The following NCKAP5 variants were observed in gnomAD, a reference collection of about 807,000 sequenced individuals.
NCKAP5 encodes NCK associated protein 5.
In NCKAP5, 92 loss-of-function variants were observed where a neutral mutation model predicts 167.0. That is an observed-to-expected ratio of 0.55 (90% confidence interval 0.47 to 0.66). The LOEUF is 0.66. NCKAP5 is among the 30% of genes least tolerant of loss of function. The pLI is 0.00. For missense variants in NCKAP5, 2,378 were observed against 2,315.0 expected, an observed-to-expected ratio of 1.03 and a Z score of -0.56; for synonymous variants, 891 against 877.4, an observed-to-expected ratio of 1.02 and a Z score of -0.27.
Position 132,672,846 on chromosome 2 carries a change from A to T in NCKAP5, c.*443T>A. 3 of 440,206 alleles carry T rather than the reference A, an allele frequency of 6.8e-6. No homozygotes were observed. The highest frequency in any genetic ancestry group is 6.0e-6 in the Non-Finnish European group (2 of 331,276). 27.3% of individuals were successfully genotyped at this position (440,206 alleles called of 1,614,324 possible). On this transcript the variant is annotated 3_prime_UTR_variant, in exon 20 of 20. Transcript: ENST00000409261. ...TCTTGAAACACAATAAATGGAGTCT[A>T]TCTTTATTGCCCTGTCAGAGAAATA...
chr2:133,619,108 G>A, the NCKAP5 span, among the ~76,000 whole-genome samples: 1 of 128,968 alleles, frequency 7.8e-6, no homozygotes, highest in Admixed American at 8.6e-5. Context: ...TGAACAATGA[G>A]AACACATGAA....
At chr2:133,308,175 G>A (rs1256583513) in intron 3 of NCKAP5, among the ~76,000 whole-genome samples, 6 of 133,198 alleles carry the variant, frequency 4.5e-5, no homozygotes, top group Admixed American at 1.7e-4. Flanking sequence ...TGCAAGCTCC[G>A]CCTCCCGGGT....
In NCKAP5 at chr2:133,208,109, C is replaced by A. The variant is rs1391727025; in HGVS notation, c.207+5607G>T. Among the ~76,000 whole-genome samples the A allele has an allele frequency of 2.0e-5, 3 of 152,140 alleles. No homozygotes were observed. In the East Asian group the frequency reaches 5.8e-4, roughly 29 times the overall value. The stretch of plus-strand genomic sequence containing the variant: ...ATCCCAACACTTCAGGAGGCCAAGG[C>A]AGGCAGATCACTTGAGCCCAGAGGT... On this transcript the variant is annotated intron_variant, in intron 5 of 19. Transcript: ENST00000409261.
At chr2:133,424,792 T>C (rs926618319) in intron 3 of NCKAP5, among the ~76,000 whole-genome samples, 6 of 152,164 alleles carry the variant, frequency 3.9e-5, no homozygotes, top group African/African-American at 1.4e-4. Flanking sequence ...CCCTAGTGGT[T>C]CTGAGGCACG....
At chr2:133,006,448 G>A (rs1456638527) in intron 6 of NCKAP5, among the ~76,000 whole-genome samples, 1 of 152,094 alleles carries the variant, frequency 6.6e-6, no homozygotes, top group African/African-American at 2.4e-5. Flanking sequence ...ACAATCCCTA[G>A]AACACTTACT....
chr2:133,295,696 T>A (rs965565542), intron 4 of NCKAP5, among the ~76,000 whole-genome samples: 2 of 152,238 alleles, frequency 1.3e-5, no homozygotes, highest in African/African-American at 4.8e-5. Flanking sequence ...GCAGGTGGTG[T>A]GAAAGCCAGG....
intron 8 of NCKAP5, among the ~76,000 whole-genome samples, chr2:132,951,340 T>A (rs1213491434): frequency 6.6e-6 from 1 of 152,194 alleles, no homozygotes; most frequent in Non-Finnish European, 1.5e-5. Flanking sequence ...TCTAGAAAGT[T>A]CAATTCATAA....
rs1690378598 is a variant in NCKAP5 at position 132,725,633 on chromosome 2, C to T, written c.5707G>A (p.Ala1903Thr). ...CAAGTTCGCTGGTTGTTACCTGGGG[C>T]AGCGCTCTTCAGTGCTTTCACTAAC... ...GQLVKALKSAAPEIETT is the reference protein window; with the variant it reads ...GQLVKALKSATPEIETT The change falls in exon 19 of 20, where the codon GCC (alanine) becomes ACC (threonine). Residue 1903 changes from alanine (A) to threonine (T), a missense_variant. Transcript: ENST00000409261. The T allele has an allele frequency of 6.2e-7, 1 of 1,608,718 alleles. No homozygotes were observed. The highest frequency in any genetic ancestry group is 8.5e-7 in the Non-Finnish European group (1 of 1,177,938).
At chr2:133,480,831 G>T (rs911730097) in intron 3 of NCKAP5, among the ~76,000 whole-genome samples, 2 of 152,102 alleles carry the variant, frequency 1.3e-5, no homozygotes, top group African/African-American at 4.8e-5. Context: ...TCTGGTTAAG[G>T]CAGTTGTTCG....
At chr2:132,776,385 T>C (rs1682547590) in intron 15 of NCKAP5, among the ~76,000 whole-genome samples, 2 of 152,206 alleles carry the variant, frequency 1.3e-5, no homozygotes, top group Non-Finnish European at 2.9e-5. Context: ...CAAAAGCGAC[T>C]GCACAGTCCT....
intron 3 of NCKAP5, among the ~76,000 whole-genome samples, chr2:133,469,064 T>C (rs1427551608): frequency 6.6e-6 from 1 of 152,080 alleles, no homozygotes; most frequent in African/African-American, 2.4e-5. Flanking sequence ...TGATGTTAGC[T>C]GGTGATTTTG....
chr2:133,129,586 T>G (rs1464976731), intron 6 of NCKAP5, among the ~76,000 whole-genome samples: 1 of 152,152 alleles, frequency 6.6e-6, no homozygotes, highest in Non-Finnish European at 1.5e-5. Flanking sequence ...AGCAGCATGA[T>G]TTATAATCCT....
At chr2:133,070,234 T>C (rs2080342910) in intron 6 of NCKAP5, among the ~76,000 whole-genome samples, 1 of 152,140 alleles carries the variant, frequency 6.6e-6, no homozygotes, top group Non-Finnish European at 1.5e-5. Context: ...TACACAAGAC[T>C]GTCAGGATAA....
chr2:133,185,684 T>G (rs191534439), intron 5 of NCKAP5, among the ~76,000 whole-genome samples: 1 of 152,094 alleles, frequency 6.6e-6, no homozygotes, highest in East Asian at 1.9e-4. Context: ...TTTCACCTCC[T>G]TAGCTGTATT....
chr2:133,349,150 G>A (rs115541561), intron 3 of NCKAP5, among the ~76,000 whole-genome samples: 2,050 of 152,184 alleles, frequency 0.013, 45 homozygotes, highest in African/African-American at 0.046. Context: ...ATCATTTTTA[G>A]GCAGTAAATT....
At chr2:133,255,836 A>C (rs1200557006) in intron 4 of NCKAP5, among the ~76,000 whole-genome samples, 2 of 152,228 alleles carry the variant, frequency 1.3e-5, no homozygotes, top group African/African-American at 2.4e-5. Context: ...ATGGGTATAC[A>C]AAGCTTACAT....
chr2:133,564,082 G>A lies in NCKAP5; in HGVS notation c.-130+4134C>T, dbSNP rs549777442. Among the ~76,000 whole-genome samples the A allele has an allele frequency of 8.5e-5, 13 of 152,128 alleles. No individual in the cohort carries two copies. In the East Asian group the frequency reaches 2.3e-3, roughly 27 times the overall value. Reference sequence around the variant, plus strand: ...CTGAGAGGCGGAGGTTGCAGTGAGTGGAGATCGTGCCATTGCACTCCAGCC... The same window carrying A: ...CTGAGAGGCGGAGGTTGCAGTGAGTAGAGATCGTGCCATTGCACTCCAGCC... On this transcript the variant is annotated intron_variant, in intron 1 of 19. Transcript: ENST00000409261.
rs1377747889 is a variant in NCKAP5 at position 132,827,916 on chromosome 2, A to G, written c.808-31187T>C. ...CCTTACAAGGCCAATGGTTGACCCT[A>G]TACCTGCTGGTAGTCCTTAGGGGAA... On this transcript the variant is annotated intron_variant, in intron 11 of 19. Transcript: ENST00000409261. Among the ~76,000 whole-genome samples the G allele has an allele frequency of 2.0e-5, 3 of 152,306 alleles. 1 individual carries two copies. In the South Asian group the frequency reaches 6.2e-4, roughly 32 times the overall value.
intron 4 of NCKAP5, among the ~76,000 whole-genome samples, chr2:133,248,164 A>T (rs1415236587): frequency 3.3e-5 from 5 of 152,180 alleles, no homozygotes; most frequent in Admixed American, 2.6e-4. Context: ...ACTTTCGTTG[A>T]TTTCATTACA....
Sources: gnomAD v4.1 joint callset for allele counts (sites outside exome capture counted in the v4.1 genomes callset) on GRCh38, gnomAD v4.1.1 for gene constraint, MANE v1.5 for transcripts, NCBI Gene and HGNC (gene_info 2026-07-23, HGNC 2026-07-21) for gene names.